The following PPM1H variants were observed in gnomAD, a reference collection of about 807,000 sequenced individuals.
PPM1H encodes the protein protein phosphatase 1H.
In PPM1H, 27 loss-of-function variants were observed where a neutral mutation model predicts 54.9. The ratio of observed to expected loss-of-function variants is 0.49; its 90% CI spans 0.36 to 0.68. PPM1H has a LOEUF of 0.68. Among genes scored for constraint, PPM1H ranks in the 30% least tolerant of loss-of-function variants. The probability of loss-of-function intolerance (pLI) is 0.00; values close to 1 mark genes in which losing one functional copy is unlikely to be tolerated. For synonymous variants in PPM1H, 305 were observed against 270.8 expected (o/e 1.13, Z -1.24); for missense variants, 596 against 667.8 (o/e 0.89, Z 1.19).
chr12:62,824,316 C>T (rs1868263809), intron 2 of PPM1H, among the ~76,000 whole-genome samples: 1 of 152,172 alleles, frequency 6.6e-6, no homozygotes, highest in Non-Finnish European at 1.5e-5. Context: ...GTGAAAATGG[C>T]CATACTGCCC....
rs574885107 is a variant in PPM1H at position 62,695,379 on chromosome 12, G to A, written c.1074-1380C>T. 5.9e-5 allele frequency among the ~76,000 whole-genome samples: 9 copies of A among 152,224 alleles called. No individual in the cohort carries two copies. The South Asian group carries it at 1.5e-3, about 25-fold the overall frequency. ...TTAGGGCAAAATCTGGGGCTCATTC[G>A]TGAGATTATTGCAAAGATTAAAATA... On this transcript the variant is annotated intron_variant, in intron 6 of 9. Transcript: ENST00000228705.
chr12:62,733,262 C>A (rs939681545), intron 5 of PPM1H, among the ~76,000 whole-genome samples: 1 of 152,058 alleles, frequency 6.6e-6, no homozygotes, highest in Non-Finnish European at 1.5e-5. Context: ...TCTCCACCCC[C>A]CTCCCTGCCA....
chr12:62,900,780 G>A (rs1871145772), intron 1 of PPM1H, among the ~76,000 whole-genome samples: 1 of 152,150 alleles, frequency 6.6e-6, no homozygotes, highest in Non-Finnish European at 1.5e-5. Flanking sequence ...CAGTGTCACA[G>A]GGGACATAGT....
At chr12:62,773,021 G>A (rs974686543) in intron 4 of PPM1H, among the ~76,000 whole-genome samples, 6 of 152,232 alleles carry the variant, frequency 3.9e-5, no homozygotes, top group Admixed American at 2.0e-4. Context: ...GGTGGCGCGC[G>A]CTTGTAGTTC....
chr12:62,674,955 G>A (rs537401560), intron 8 of PPM1H, among the ~76,000 whole-genome samples: 1 of 152,328 alleles, frequency 6.6e-6, no homozygotes, highest in Admixed American at 6.5e-5. Flanking sequence ...CAATGGGGCT[G>A]CTCATGGCTC....
intron 8 of PPM1H, among the ~76,000 whole-genome samples, chr12:62,673,715 CTT>C (rs567775927): frequency 2.8e-3 from 116 of 41,942 alleles, no homozygotes; most frequent in Admixed American, 4.7e-3. Flanking sequence ...AAGAGCCACT[CTT>C]TTTTTTTTTT....
intron 9 of PPM1H, among the ~76,000 whole-genome samples, chr12:62,664,383 A>G (rs1197501824): frequency 6.6e-6 from 1 of 152,154 alleles, no homozygotes; most frequent in East Asian, 1.9e-4. Context: ...CCTTTGATTC[A>G]TAAGTTGTTT....
At position 62,673,350 on chromosome 12, in the gene PPM1H, C is replaced by A. The variant is rs139160491; in HGVS notation, c.1246-6021G>T. 2.6e-3 allele frequency among the ~76,000 whole-genome samples: 401 copies of A among 152,302 alleles called. 2 individuals carry two copies. The highest frequency in any genetic ancestry group is 9.3e-3 in the African/African-American group (385 of 41,554). On this transcript the variant is annotated intron_variant, in intron 8 of 9. Transcript: ENST00000228705. ...GCTCGGCTGCAGGCTGCTGTTTCAG[C>A]GTTTGTGTAATACTTGCTCCCATCT...
intron 8 of PPM1H, among the ~76,000 whole-genome samples, chr12:62,672,915 A>T (rs1592535427): frequency 6.6e-6 from 1 of 152,222 alleles, no homozygotes; most frequent in African/African-American, 2.4e-5. Flanking sequence ...GCTGAGGCAA[A>T]GCATAAACAG....
chr12:62,790,699 C>T (rs547766318), intron 3 of PPM1H, among the ~76,000 whole-genome samples: 160 of 151,952 alleles, frequency 1.1e-3, no homozygotes, highest in Non-Finnish European at 1.7e-3. Flanking sequence ...TGGAGAGCCA[C>T]GGGGAGGAGG....
At chr12:62,783,248 A>G (rs771524122) in intron 4 of PPM1H, among the ~76,000 whole-genome samples, 15 of 152,232 alleles carry the variant, frequency 9.9e-5, no homozygotes, top group Non-Finnish European at 2.1e-4. Context: ...TGGACCATCC[A>G]AAGCTTATCT....
intron 5 of PPM1H, among the ~76,000 whole-genome samples, chr12:62,729,577 G>A (rs559483451): frequency 2.2e-4 from 34 of 152,272 alleles, no homozygotes; most frequent in African/African-American, 7.7e-4. Context: ...CTGGCCTCCC[G>A]ATCAAGAAAG....
chr12:62,716,539 C>T (rs2076235372), intron 6 of PPM1H, among the ~76,000 whole-genome samples: 1 of 152,160 alleles, frequency 6.6e-6, no homozygotes, highest in Non-Finnish European at 1.5e-5. Flanking sequence ...GGACTTTTTA[C>T]TTGTTAGAAG....
Position 62,934,532 on chromosome 12 carries a change from T to G in PPM1H, c.205A>C (p.Lys69Gln). ...GCCCAGGGCAGCCGCCGAGTCTCCT[T>G]GAGGATGAGGATGGGGCGGGCGATG... ...DHIARPILIL[K>Q]ETRRLPWATG... The change falls in exon 1 of 10, where the codon AAG becomes CAG. Residue 69 changes from lysine (K) to glutamine (Q), a missense_variant. Around this residue, in one of 3 missense-constraint regions of PPM1H, gnomAD observed 382 missense variants for 387.1 expected, o/e 0.99. Transcript: ENST00000228705. This position sits in a 1 kb window ranked among gnomAD's most constrained non-coding sequence, Gnocchi z 4.2. The G allele has an allele frequency of 2.6e-6, 4 of 1,551,624 alleles. No homozygotes were observed. The highest frequency in any genetic ancestry group is 3.5e-6 in the Non-Finnish European group (4 of 1,148,140).
chr12:62,868,530 C>T (rs1451855874), intron 1 of PPM1H, among the ~76,000 whole-genome samples: 1 of 152,226 alleles, frequency 6.6e-6, no homozygotes, highest in Non-Finnish European at 1.5e-5. Flanking sequence ...TGAACACCAT[C>T]TTATTGACCG....
chr12:62,706,486 G>T (rs2076175098), intron 6 of PPM1H, among the ~76,000 whole-genome samples: 1 of 152,236 alleles, frequency 6.6e-6, no homozygotes, highest in Non-Finnish European at 1.5e-5. Context: ...ACGCCCAGCA[G>T]TTAACGGATT....
intron 9 of PPM1H, among the ~76,000 whole-genome samples, chr12:62,664,458 ATTATT>A (rs1250028538): frequency 4.6e-5 from 7 of 152,050 alleles, no homozygotes; most frequent in African/African-American, 1.7e-4. Flanking sequence ...TACCCTTTCT[ATTATT>A]TTAACAGTTT....
At chr12:62,778,578 G>C (rs527533790) in intron 4 of PPM1H, among the ~76,000 whole-genome samples, 2 of 152,214 alleles carry the variant, frequency 1.3e-5, no homozygotes, top group South Asian at 4.1e-4. Context: ...AGGGACAAAG[G>C]CACTGCTTCA....
intron 9 of PPM1H, among the ~76,000 whole-genome samples, chr12:62,659,519 G>A (rs1294015475): frequency 6.6e-6 from 1 of 152,130 alleles, no homozygotes; most frequent in Non-Finnish European, 1.5e-5. Context: ...TTCTGGAGGG[G>A]GAGATGCTAT....
Sources: gnomAD v4.1 joint callset for allele counts (sites outside exome capture counted in the v4.1 genomes callset) on GRCh38, gnomAD v4.1.1 for gene constraint, gnomAD v4.1.1 regional missense constraint, Gnocchi (gnomAD v3.1) non-coding constraint, MANE v1.5 for transcripts, NCBI Gene and HGNC (gene_info 2026-07-23, HGNC 2026-07-21) for gene names.